Variants in BEND2 observed in about 807,000 individuals in gnomAD.
BEND2 encodes BEN domain containing 2.
BEND2 carries 19 observed loss-of-function variants against 43.8 expected under a neutral mutation model. The observed-to-expected ratio is 0.43, with a 90% CI of 0.30 to 0.64. BEND2 has a LOEUF of 0.64. Among genes scored for constraint, BEND2 ranks in the 30% least tolerant of loss-of-function variants. The pLI, the probability that BEND2 is intolerant of heterozygous loss-of-function variation, is 0.11. For missense variants in BEND2, 544 were observed against 574.0 expected, an observed-to-expected ratio of 0.95 and a Z score of 0.53; for synonymous variants, 226 against 210.1, an observed-to-expected ratio of 1.08 and a Z score of -0.66.
chrX:18,207,849 T>C (rs1925386034), intron 4 of BEND2, among the ~76,000 whole-genome samples: 1 of 111,095 alleles, frequency 9.0e-6, no homozygotes, highest in South Asian at 3.8e-4. Flanking sequence ...CGAAACCCTG[T>C]CTCTACTAAA....
At chrX:18,182,480 A>C (rs1924416558) in intron 8 of BEND2, among the ~76,000 whole-genome samples, 1 of 111,344 alleles carries the variant, frequency 9.0e-6, no homozygotes, top group African/African-American at 3.3e-5. Context: ...ATATTAATCC[A>C]AAAAAAAGAA....
intron 11 of BEND2, among the ~76,000 whole-genome samples, chrX:18,175,310 A>G (rs749107636): frequency 1.1e-3 from 121 of 111,610 alleles, no homozygotes; most frequent in African/African-American, 3.7e-3. Context: ...TGGCCAGAAG[A>G]AAAGGGGGTT....
intron 8 of BEND2, 123 bp from the exon 9 acceptor site, chrX:18,180,773 C>A: frequency 2.5e-6 from 1 of 401,413 alleles, no homozygotes; most frequent in Non-Finnish European, 4.1e-6. Context: ...CAGACCTACT[C>A]TTTTTTTTTT....
chrX:18,210,101 A>G (rs1161895513), intron 4 of BEND2, among the ~76,000 whole-genome samples: 8 of 110,091 alleles, frequency 7.3e-5, no homozygotes, highest in Non-Finnish European at 1.5e-4. Context: ...AGGAAACAAA[A>G]TGCTTCAGAG....
chrX:18,165,562 G>C (rs1923802209), intron 13 of BEND2, among the ~76,000 whole-genome samples: 1 of 111,915 alleles, frequency 8.9e-6, no homozygotes, highest in South Asian at 3.8e-4. Flanking sequence ...TCACTCATCA[G>C]CTCAAATAGA....
At chrX:18,165,577 T>C (rs753759791) in intron 13 of BEND2, among the ~76,000 whole-genome samples, 1 of 112,082 alleles carries the variant, frequency 8.9e-6, no homozygotes, top group South Asian at 3.8e-4. Flanking sequence ...AATAGAGACA[T>C]GCTAAGCCTC....
intron 9 of BEND2, 146 bp from the exon 10 acceptor site, chrX:18,177,915 C>T (rs1184489678): frequency 5.2e-6 from 3 of 581,964 alleles, no homozygotes; most frequent in Non-Finnish European, 7.9e-6. Context: ...TCATGAATTT[C>T]TACTTGGGTG....
intron 4 of BEND2, among the ~76,000 whole-genome samples, chrX:18,209,438 T>C (rs1262011093): frequency 9.0e-6 from 1 of 110,886 alleles, no homozygotes; most frequent in African/African-American, 3.3e-5. Flanking sequence ...TGGGGAAAAA[T>C]AGTAACTTTA....
At chrX:18,170,851 T>C (rs1184166368) in intron 13 of BEND2, 150 bp downstream of exon 13, 1 of 1,001,834 alleles carries the variant, frequency 1.0e-6, no homozygotes, top group East Asian at 3.1e-5. Flanking sequence ...TTCATGATCT[T>C]GCTCCTTGCT....
rs1925247382 is a variant in BEND2 at position 18,203,816 on chromosome X, G to T, written c.592C>A (p.Gln198Lys). ...AAACTCTCACTGAGGTCTGCTTCCT[G>T]CAGTTCATGACATGCTGCTGACTCA... The part of the protein sequence containing the change: ...SLESAACHEL[Q>K]EADLSESLSY... The change falls in exon 5 of 14, where the codon CAG becomes AAG. Residue 198 changes from glutamine (Q) to lysine (K), a missense_variant. Around this residue, in one of 2 missense-constraint regions of BEND2, gnomAD observed 501 missense variants for 501.6 expected, o/e 1.00. Transcript: ENST00000380033. 1 of 1,210,897 alleles carries T rather than the reference G, an allele frequency of 8.3e-7. No homozygotes were observed. The highest frequency in any genetic ancestry group is 1.1e-6 in the Non-Finnish European group (1 of 894,508).
At chrX:18,187,283 T>C (rs1924608855) in intron 8 of BEND2, among the ~76,000 whole-genome samples, 1 of 111,059 alleles carries the variant, frequency 9.0e-6, no homozygotes, top group Admixed American at 9.6e-5. Context: ...ACGCTGAAAA[T>C]AAAGGGATGG....
chrX:18,202,743 C>A (rs1925207060), intron 5 of BEND2, among the ~76,000 whole-genome samples: 1 of 111,535 alleles, frequency 9.0e-6, no homozygotes, highest in African/African-American at 3.3e-5. Flanking sequence ...TTAAAAAAAC[C>A]TAAACATGCA....
chrX:18,175,469 C>G (rs899446817), intron 11 of BEND2, among the ~76,000 whole-genome samples: 1 of 112,337 alleles, frequency 8.9e-6, no homozygotes, highest in African/African-American at 3.2e-5. Flanking sequence ...AACTAGATTT[C>G]TGTTACCACA....
At chrX:18,198,001 G>T (rs2147418133) in intron 6 of BEND2, among the ~76,000 whole-genome samples, 1 of 111,922 alleles carries the variant, frequency 8.9e-6, no homozygotes, top group South Asian at 3.8e-4. Context: ...CTAGCCATAT[G>T]TAGAAAGCTG....
At chrX:18,167,079 G>A (rs1923843124) in intron 13 of BEND2, among the ~76,000 whole-genome samples, 1 of 110,421 alleles carries the variant, frequency 9.1e-6, no homozygotes, top group Non-Finnish European at 1.9e-5. Context: ...CCAAGAGTTT[G>A]AGACCAGCCT....
chrX:18,186,286 C>T (rs978859687), intron 8 of BEND2, among the ~76,000 whole-genome samples: 4 of 109,461 alleles, frequency 3.7e-5, no homozygotes, highest in South Asian at 4.0e-4. Context: ...GGTGAAACCC[C>T]GACTCCACTA....
In BEND2 at chrX:18,216,701, C is replaced by T; in HGVS notation, c.58G>A (p.Asp20Asn). The change falls in exon 2 of 14, where the codon GAT (aspartate) becomes AAT (asparagine). Residue 20 changes from aspartate to asparagine, a missense_variant. This residue lies in a region of BEND2 where 501 missense variants were observed against 501.6 expected (regional missense o/e 1.00). Transcript: ENST00000380033. ...FVIITVDDSD[D>N]NNDCSIEMVE... is the part of the protein sequence containing the mutation. Reference sequence around the variant, plus strand: ...ATCTCAATACTGCAATCATTGTTATCATCACTGTCGTCGACAGTTATAATA... The same window carrying T: ...ATCTCAATACTGCAATCATTGTTATTATCACTGTCGTCGACAGTTATAATA... 1 of 1,208,430 alleles carries T rather than the reference C, an allele frequency of 8.3e-7. No homozygotes were observed. The highest frequency in any genetic ancestry group is 1.1e-6 in the Non-Finnish European group (1 of 892,827).
At position 18,191,185 on chromosome X, in the gene BEND2, ATC is replaced by A. The variant is rs923276403; in HGVS notation, c.1181-79_1181-78del. 7.8e-6 allele frequency: 6 copies of A among 771,788 alleles called. 1 individual carries two copies. Among genetic ancestry groups the A allele is most frequent in the Non-Finnish European group, 1.1e-5 (6 of 531,187 alleles). The allele number at this position is 771,788 out of a possible 1,213,427, so 63.6% of individuals were successfully genotyped here. On this transcript the variant is annotated intron_variant, in intron 7 of 13. Coordinates refer to ENST00000380033, the MANE Select transcript of BEND2 (RefSeq NM_153346.5). The stretch of plus-strand genomic sequence containing the variant: ...AAGAAATCTCAACCATGTTTTTTAG[ATC>A]AGGTGAAACTATCCTTCAGGAATAA...
intron 1 of BEND2, among the ~76,000 whole-genome samples, chrX:18,220,410 G>C (rs1332583750): frequency 3.6e-5 from 4 of 111,984 alleles, no homozygotes; most frequent in African/African-American, 1.3e-4. Flanking sequence ...ACAAGCCCAA[G>C]TCACCCCAAC....
Sources: gnomAD v4.1 joint callset for allele counts (sites outside exome capture counted in the v4.1 genomes callset) on GRCh38, gnomAD v4.1.1 for gene constraint, gnomAD v4.1.1 regional missense constraint, MANE v1.5 for transcripts, NCBI Gene and HGNC (gene_info 2026-07-23, HGNC 2026-07-21) for gene names.